The following EVI5 variants were observed in gnomAD, a reference collection of about 807,000 sequenced individuals.
EVI5 encodes the protein ecotropic viral integration site 5.
EVI5 carries 73 observed loss-of-function variants against 112.0 expected under a neutral mutation model. That is an observed-to-expected ratio of 0.65 (90% CI 0.54 to 0.79). The LOEUF (loss-of-function observed/expected upper bound fraction) is 0.79. Among genes scored for constraint, EVI5 ranks in the 30% least tolerant of loss-of-function variants. The pLI is 0.00. For missense variants in EVI5, 900 were observed against 968.8 expected (o/e 0.93, Z 0.94); for synonymous variants, 305 against 319.9 (o/e 0.95, Z 0.50).
intron 1 of EVI5, chr1:92,756,443 AG>A: frequency 1.9e-6 from 1 of 539,932 alleles, no homozygotes; most frequent in South Asian, 1.4e-5. Context: ...GGCTTCTTCG[AG>A]GATTATACTT....
chr1:92,744,990 G>T (rs764302559), intron 1 of EVI5, among the ~76,000 whole-genome samples: 6 of 152,024 alleles, frequency 3.9e-5, no homozygotes, highest in Non-Finnish European at 8.8e-5. Flanking sequence ...GAGTGCAGTG[G>T]TGCAATCATG....
At chr1:92,778,689 C>T (rs1684468544) in intron 1 of EVI5, among the ~76,000 whole-genome samples, 1 of 152,132 alleles carries the variant, frequency 6.6e-6, no homozygotes, top group South Asian at 2.1e-4. Flanking sequence ...TGGCTACACA[C>T]TGGAATTATC....
chr1:92,761,214 A>T (rs1681824242), intron 1 of EVI5, among the ~76,000 whole-genome samples: 1 of 152,168 alleles, frequency 6.6e-6, no homozygotes, highest in South Asian at 2.1e-4. Flanking sequence ...TAGAAACCAT[A>T]CACTAGGGGA....
chr1:92,704,232 T>G (rs1217445808), intron 3 of EVI5, among the ~76,000 whole-genome samples: 1 of 152,116 alleles, frequency 6.6e-6, no homozygotes, highest in African/African-American at 2.4e-5. Flanking sequence ...GAGAACAGCT[T>G]AAGCCCAGAA....
At chr1:92,776,645 T>C (rs1322221472) in intron 1 of EVI5, among the ~76,000 whole-genome samples, 2 of 151,684 alleles carry the variant, frequency 1.3e-5, no homozygotes, top group African/African-American at 4.8e-5. Flanking sequence ...CTTTTTTTTT[T>C]TTTTTTGAGA....
chr1:92,524,877 G>A (rs1048780558), intron 19 of EVI5, among the ~76,000 whole-genome samples: 2 of 149,742 alleles, frequency 1.3e-5, no homozygotes, highest in Non-Finnish European at 3.0e-5. Flanking sequence ...CCAGGCTGGA[G>A]TGCAGTGGCG....
At chr1:92,786,976 A>C (rs1685688247), upstream of EVI5, among the ~76,000 whole-genome samples, 1 of 152,128 alleles carries the variant, frequency 6.6e-6, no homozygotes, top group Non-Finnish European at 1.5e-5. Context: ...ATCCTTTGAC[A>C]ACGGCTCTAG....
In EVI5 at chr1:92,706,953, G is replaced by A. The variant is rs541277785; in HGVS notation, c.150-2209C>T. Among the ~76,000 whole-genome samples the A allele has an allele frequency of 5.5e-4, 84 of 151,718 alleles. 1 individual carries two copies. Among genetic ancestry groups the A allele is most frequent in the Non-Finnish European group, 9.0e-4 (61 of 67,904 alleles). On this transcript the variant is annotated intron_variant, in intron 2 of 19. Transcript: ENST00000684568. ...TCCCAGCACTTTGGGAGGCCGAGGC[G>A]GGCGGATGACCTGAGGTTGGGAGTT... is the stretch of plus-strand genomic sequence containing the variant.
intron 19 of EVI5, among the ~76,000 whole-genome samples, chr1:92,525,338 T>C (rs1264504035): frequency 6.9e-6 from 1 of 144,218 alleles, no homozygotes; most frequent in Non-Finnish European, 1.5e-5. Flanking sequence ...GGCACAATCT[T>C]GGCTGACTCC....
At chr1:92,722,036 G>C (rs1674834540) in intron 2 of EVI5, among the ~76,000 whole-genome samples, 1 of 51,404 alleles carries the variant, frequency 1.9e-5, no homozygotes, top group Non-Finnish European at 3.6e-5. Flanking sequence ...CCAACTTCAT[G>C]TCCCACTATT....
At position 92,710,086 on chromosome 1, in the gene EVI5, C is replaced by CA. The variant is rs71091297; in HGVS notation, c.150-5343dup. On this transcript the variant is annotated intron_variant, in intron 2 of 19. Coordinates refer to ENST00000684568, the MANE Select transcript of EVI5 (RefSeq NM_001350197.2). ...TGCCTTACATGGATTTATTGCAAAGCAAAAAAAAAAAAAAGGGAGGCCGAG... is the reference window on the plus strand; with the variant it reads ...TGCCTTACATGGATTTATTGCAAAGCAAAAAAAAAAAAAAAGGGAGGCCGAG... Among the ~76,000 whole-genome samples, 50 of 82,806 alleles carry CA rather than the reference C, an allele frequency of 6.0e-4. 1 individual carries two copies. The highest frequency in any genetic ancestry group is 1.7e-3 in the African/African-American group (35 of 20,360). 54.3% of individuals were successfully genotyped at this position (82,806 alleles called of 152,430 possible).
chr1:92,668,102 T>C (rs1665244596), intron 10 of EVI5, among the ~76,000 whole-genome samples: 1 of 152,174 alleles, frequency 6.6e-6, no homozygotes, highest in East Asian at 1.9e-4. Flanking sequence ...AAAGTATTAG[T>C]TCAGGGAAAT....
intron 19 of EVI5, among the ~76,000 whole-genome samples, chr1:92,525,120 C>T (rs1364100247): frequency 2.0e-5 from 3 of 151,672 alleles, no homozygotes; most frequent in Admixed American, 6.6e-5. Context: ...GAATCACTGG[C>T]GCCCAGCCAG....
At chr1:92,713,944 A>G in intron 2 of EVI5, 1 of 795,024 alleles carries the variant, frequency 1.3e-6, no homozygotes. Context: ...AATTTAAATT[A>G]GCAACATTCC....
intron 16 of EVI5, among the ~76,000 whole-genome samples, chr1:92,611,338 A>T (rs1052197096): frequency 6.6e-6 from 1 of 152,072 alleles, no homozygotes; most frequent in African/African-American, 2.4e-5. Flanking sequence ...AATGCTTAAA[A>T]AAGAATCTTC....
intron 18 of EVI5, among the ~76,000 whole-genome samples, chr1:92,577,679 T>A (rs1256033361): frequency 1.3e-5 from 2 of 152,122 alleles, no homozygotes; most frequent in East Asian, 3.8e-4. Flanking sequence ...AAGCATAGGG[T>A]TAGTCACAAA....
chr1:92,722,828 G>C (rs1674973884), intron 2 of EVI5, among the ~76,000 whole-genome samples: 1 of 151,976 alleles, frequency 6.6e-6, no homozygotes, highest in Admixed American at 6.6e-5. Flanking sequence ...TAAACAAAGG[G>C]GTAAAAAGTT....
At chr1:92,537,262 T>G (rs1664059030) in intron 19 of EVI5, among the ~76,000 whole-genome samples, 1 of 152,208 alleles carries the variant, frequency 6.6e-6, no homozygotes, top group South Asian at 2.1e-4. Context: ...TTTCCAAGAC[T>G]GAGTCATATC....
intron 16 of EVI5, among the ~76,000 whole-genome samples, chr1:92,619,580 T>C (rs1168506917): frequency 2.6e-5 from 4 of 151,412 alleles, no homozygotes. Context: ...AAACATAAAA[T>C]TAGATAGGTA....
Sources: allele counts gnomAD v4.1 joint callset (sites outside exome capture counted in the v4.1 genomes callset), GRCh38; gene constraint gnomAD v4.1.1; transcripts MANE v1.5; gene names NCBI Gene and HGNC (gene_info 2026-07-23, HGNC 2026-07-21).